ARHGEF7: variants seen among roughly 807,000 people sequenced by gnomAD.
ARHGEF7 encodes the protein Rho guanine nucleotide exchange factor 7, also known as PAK-interacting exchange factor beta.
A neutral mutation model predicts 109.8 loss-of-function variants in ARHGEF7; 33 were observed. That is an observed-to-expected ratio of 0.30 (90% CI 0.23 to 0.40). ARHGEF7 has a LOEUF of 0.40. Among genes scored for constraint, ARHGEF7 ranks in the 10% least tolerant of loss-of-function variants. The pLI is 1.00. For missense variants in ARHGEF7, 938 were observed against 1,098.5 expected, an observed-to-expected ratio of 0.85 and a Z score of 2.07; for synonymous variants, 458 against 424.6, an observed-to-expected ratio of 1.08 and a Z score of -0.97.
intron 2 of ARHGEF7, among the ~76,000 whole-genome samples, chr13:111,194,274 T>A (rs560329479): frequency 1.2e-4 from 18 of 152,304 alleles, no homozygotes; most frequent in African/African-American, 4.3e-4. Flanking sequence ...CTGGAGCTTG[T>A]ACTAGGTTCT....
At chr13:111,271,725 C>T (rs577173540) in intron 9 of ARHGEF7, among the ~76,000 whole-genome samples, 2 of 152,324 alleles carry the variant, frequency 1.3e-5, no homozygotes, top group African/African-American at 4.8e-5. Flanking sequence ...TTTAAAACAG[C>T]ATCAACACGA....
At chr13:111,259,405 C>T (rs1023177250) in intron 8 of ARHGEF7, among the ~76,000 whole-genome samples, 2 of 152,198 alleles carry the variant, frequency 1.3e-5, no homozygotes, top group Non-Finnish European at 2.9e-5. Flanking sequence ...CTCTCTCTGT[C>T]TTTCTCTCTC....
rs981678599 is a variant in ARHGEF7 at position 111,214,043 on chromosome 13, C to T, written c.469-3636C>T. 7.2e-5 allele frequency among the ~76,000 whole-genome samples: 11 copies of T among 152,266 alleles called. No individual in the cohort carries two copies. In the South Asian group the frequency reaches 1.2e-3, roughly 17 times the overall value. On this transcript the variant is annotated intron_variant, in intron 4 of 21. Coordinates refer to ENST00000646102, the MANE Select transcript of ARHGEF7 (RefSeq NM_001354046.2). ...ACTGCTGAAGAATGGAGGTATGTTG[C>T]GACGTTTCACCTGGATACCTGGATC...
chr13:111,192,377 C>A (rs2079995587), intron 2 of ARHGEF7, among the ~76,000 whole-genome samples: 1 of 152,170 alleles, frequency 6.6e-6, no homozygotes, highest in African/African-American at 2.4e-5. Context: ...ACTCTGTTCC[C>A]TTTTCTCTGT....
intron 16 of ARHGEF7, among the ~76,000 whole-genome samples, 186 bp from the exon 17 acceptor site, chr13:111,285,961 C>T (rs2153615301): frequency 6.6e-6 from 1 of 151,902 alleles, no homozygotes; most frequent in South Asian, 2.1e-4. Flanking sequence ...CTGAAAATGC[C>T]CTATTGATTT....
intron 3 of ARHGEF7, among the ~76,000 whole-genome samples, chr13:111,205,942 G>A (rs915617927): frequency 2.0e-5 from 3 of 152,098 alleles, no homozygotes; most frequent in African/African-American, 7.2e-5. Context: ...GAAGACAGGA[G>A]TTGTTCAGAC....
chr13:111,142,779 T>C (rs535655487), intron 1 of ARHGEF7, among the ~76,000 whole-genome samples: 1 of 152,330 alleles, frequency 6.6e-6, no homozygotes, highest in South Asian at 2.1e-4. Context: ...TGCTTCACCA[T>C]CTCCTCTCCA....
chr13:111,301,278 G>A (rs4771739), intron 20 of ARHGEF7, among the ~76,000 whole-genome samples, 200 bp from the exon 21 acceptor site: 115,565 of 152,136 alleles, frequency 0.76, 44,202 homozygotes, highest in East Asian at 0.91. Flanking sequence ...GTCTTCATAG[G>A]CTGAAGTTGC....
At position 111,150,720 on chromosome 13, in the gene ARHGEF7, T is replaced by C. The variant is rs566018339; in HGVS notation, c.166-3185T>C. Among the ~76,000 whole-genome samples the C allele has an allele frequency of 5.1e-4, 78 of 152,192 alleles. 7 individuals are homozygous for C. Among genetic ancestry groups the C allele is most frequent in the Non-Finnish European group, 1.5e-5 (1 of 68,020 alleles). On this transcript the variant is annotated intron_variant, in intron 1 of 21. Coordinates refer to ENST00000646102, the MANE Select transcript of ARHGEF7 (RefSeq NM_001354046.2). The stretch of plus-strand genomic sequence containing the variant: ...TGTTGGCGTCAAGAGCCTCACAAGC[T>C]TTACAATAAAGTTCCCTCGTGTAGT...
At chr13:111,150,728 A>G (rs2075846257) in intron 1 of ARHGEF7, among the ~76,000 whole-genome samples, 1 of 152,196 alleles carries the variant, frequency 6.6e-6, no homozygotes, top group South Asian at 2.1e-4. Flanking sequence ...GCTTTACAAT[A>G]AAGTTCCCTC....
chr13:111,224,038 G>A (rs2084843505), intron 5 of ARHGEF7, among the ~76,000 whole-genome samples: 1 of 152,086 alleles, frequency 6.6e-6, no homozygotes, highest in Non-Finnish European at 1.5e-5. Context: ...TGTATTTTTA[G>A]TAGAGACAGG....
intron 1 of ARHGEF7, among the ~76,000 whole-genome samples, chr13:111,120,482 C>A (rs1162720900): frequency 6.6e-6 from 1 of 151,682 alleles, no homozygotes; most frequent in Non-Finnish European, 1.5e-5. Context: ...TACACACACA[C>A]ACAGACACAT....
intron 2 of ARHGEF7, among the ~76,000 whole-genome samples, chr13:111,180,073 T>C (rs961916892): frequency 3.3e-5 from 5 of 152,212 alleles, no homozygotes; most frequent in Admixed American, 1.3e-4. Flanking sequence ...CTTCCTGTTA[T>C]GGTGGTTCAG....
chr13:111,298,529 A>G (rs1354740123), intron 19 of ARHGEF7, among the ~76,000 whole-genome samples: 2 of 152,224 alleles, frequency 1.3e-5, no homozygotes, highest in African/African-American at 4.8e-5. Context: ...GAGTGTCAGG[A>G]GTCCTTGCAG....
intron 19 of ARHGEF7, 74 bp downstream of exon 19, chr13:111,292,368 T>C (rs1595588135): frequency 1.2e-5 from 19 of 1,586,238 alleles, no homozygotes; most frequent in Non-Finnish European, 1.5e-5. Context: ...ATGCTTGTTG[T>C]ATCGCAGCCT....
In ARHGEF7 at chr13:111,301,386, C is replaced by T. The variant is rs1169654637; in HGVS notation, c.2412-92C>T. 5.6e-6 allele frequency: 6 copies of T among 1,073,898 alleles called. No homozygotes were observed. In the Admixed American group the frequency reaches 1.1e-4, roughly 20 times the overall value. The allele number at this position is 1,073,898 out of a possible 1,614,324, so 66.5% of individuals were successfully genotyped here. On this transcript the variant is annotated intron_variant, in intron 20 of 21. Transcript: ENST00000646102. ...TAAGGCAGAGCAGCTCCGTGTCCTC[C>T]TCTCAGCATCGTAGTGTCTCCTGGT...
chr13:111,276,138 G>T (rs1047347865), intron 12 of ARHGEF7: 4 of 170,220 alleles, frequency 2.3e-5, no homozygotes, highest in Non-Finnish European at 5.2e-5. Flanking sequence ...TACAGGTTTG[G>T]TTTAAGTGAG....
intron 2 of ARHGEF7, among the ~76,000 whole-genome samples, chr13:111,155,294 C>A (rs1304425349): frequency 6.6e-6 from 1 of 152,028 alleles, no homozygotes; most frequent in African/African-American, 2.4e-5. Flanking sequence ...ATAGGTTTCT[C>A]GGAAAACCTA....
At chr13:111,116,813 T>A (rs1223729157) in intron 1 of ARHGEF7, among the ~76,000 whole-genome samples, 2 of 152,238 alleles carry the variant, frequency 1.3e-5, no homozygotes, top group Non-Finnish European at 2.9e-5. Context: ...TTAAATGAGG[T>A]CAGAAAACAT....
Sources: gnomAD v4.1 joint callset for allele counts (sites outside exome capture counted in the v4.1 genomes callset) on GRCh38, gnomAD v4.1.1 for gene constraint, MANE v1.5 for transcripts, NCBI Gene and HGNC (gene_info 2026-07-23, HGNC 2026-07-21) for gene names.